CPNE3: variants seen among roughly 807,000 people sequenced by gnomAD.
The protein encoded by CPNE3 is copine-3.
In CPNE3, 68 loss-of-function variants were observed where a neutral mutation model predicts 63.9. That is an observed-to-expected ratio of 1.06 (90% CI 0.87 to 1.30). The LOEUF (loss-of-function observed/expected upper bound fraction) is 1.30. CPNE3 is among the 50% of genes most tolerant of loss of function. The pLI, the probability that CPNE3 is intolerant of heterozygous loss-of-function variation, is 0.00. For synonymous variants in CPNE3, 219 were observed against 197.5 expected (o/e 1.11, Z -0.91); for missense variants, 665 against 578.1 (o/e 1.15, Z -1.54).
intron 12 of CPNE3, 121 bp downstream of exon 12, chr8:86,548,555 TCC>T: frequency 8.2e-7 from 1 of 1,223,712 alleles, no homozygotes; most frequent in South Asian, 1.5e-5. Flanking sequence ...CTCCCTAAAA[TCC>T]CCCCGTCTTA....
chr8:86,526,062 G>A (rs1278640165), intron 2 of CPNE3, among the ~76,000 whole-genome samples: 3 of 152,146 alleles, frequency 2.0e-5, no homozygotes, highest in Non-Finnish European at 4.4e-5. Flanking sequence ...TGGTCACACA[G>A]CAAGTGCCAG....
At chr8:86,534,093 C>CT (rs879784916) in intron 6 of CPNE3, among the ~76,000 whole-genome samples, 121 of 145,214 alleles carry the variant, frequency 8.3e-4, no homozygotes, top group Admixed American at 1.4e-3. Context: ...AAGACTCCAT[C>CT]TTTTTTTTTT....
chr8:86,535,422 CCAGCACT>C (rs1238806151), intron 6 of CPNE3, among the ~76,000 whole-genome samples: 5 of 151,960 alleles, frequency 3.3e-5, no homozygotes, highest in Non-Finnish European at 7.4e-5. Flanking sequence ...GCCTGTAATC[CCAGCACT>C]CTGGGAGGTG....
intron 2 of CPNE3, among the ~76,000 whole-genome samples, chr8:86,525,203 T>C (rs1222093460): frequency 1.3e-5 from 2 of 152,040 alleles, no homozygotes; most frequent in African/African-American, 2.4e-5. Flanking sequence ...CTCAGGCTGG[T>C]CTTGAACTCC....
At chr8:86,557,527 T>G (rs1363644725) in intron 16 of CPNE3, among the ~76,000 whole-genome samples, 1 of 152,230 alleles carries the variant, frequency 6.6e-6, no homozygotes, top group African/African-American at 2.4e-5. Flanking sequence ...AGTTGCATGT[T>G]TAATTCTTAA....
chr8:86,525,490 A>G (rs1320937806), intron 2 of CPNE3, among the ~76,000 whole-genome samples: 1 of 152,222 alleles, frequency 6.6e-6, no homozygotes, highest in Non-Finnish European at 1.5e-5. Context: ...AGACCAGCAC[A>G]GAGTCATTTT....
At chr8:86,543,025 T>C (rs573717941) in intron 8 of CPNE3, among the ~76,000 whole-genome samples, 1 of 152,098 alleles carries the variant, frequency 6.6e-6, no homozygotes, top group Non-Finnish European at 1.5e-5. Flanking sequence ...AGTTCTGTTT[T>C]CCATAATTGA....
intron 6 of CPNE3, 92 bp downstream of exon 6, chr8:86,532,672 T>G: frequency 9.1e-7 from 1 of 1,098,282 alleles, no homozygotes; most frequent in Non-Finnish European, 1.4e-6. Context: ...AACTCCATCA[T>G]TGAGCATCAC....
At chr8:86,526,832 T>C (rs1820552011) in intron 2 of CPNE3, among the ~76,000 whole-genome samples, 3 of 152,176 alleles carry the variant, frequency 2.0e-5, no homozygotes, top group African/African-American at 7.2e-5. Context: ...TTAAACGGGT[T>C]TTCTAGCTAC....
chr8:86,554,416 G>A (rs997393670), intron 14 of CPNE3, among the ~76,000 whole-genome samples: 9 of 152,092 alleles, frequency 5.9e-5, no homozygotes, highest in South Asian at 2.1e-4. Flanking sequence ...TAGGTTTATC[G>A]CCATCTGGTA....
chr8:86,541,603 C>T (rs1820940447), intron 8 of CPNE3, among the ~76,000 whole-genome samples: 1 of 150,488 alleles, frequency 6.6e-6, no homozygotes, highest in African/African-American at 2.4e-5. Flanking sequence ...ACTTGGGAGG[C>T]TTAGGTGGGA....
intron 2 of CPNE3, among the ~76,000 whole-genome samples, chr8:86,518,719 T>G (rs1820368131): frequency 6.6e-6 from 1 of 152,194 alleles, no homozygotes; most frequent in Admixed American, 6.5e-5. Context: ...AATTTTATTT[T>G]TTCTGCTTAG....
At chr8:86,558,164 A>C in intron 16 of CPNE3, 124 bp from the exon 17 acceptor site, 1 of 671,362 alleles carries the variant, frequency 1.5e-6, no homozygotes, top group Admixed American at 2.3e-5. Flanking sequence ...TCCTAAGAAA[A>C]GGTACAGGCC....
At chr8:86,545,053 A>G (rs989529101) in intron 9 of CPNE3, 5 of 300,934 alleles carry the variant, frequency 1.7e-5, no homozygotes, top group Non-Finnish European at 3.0e-5. Context: ...CTAATGCCAG[A>G]TGAGGACTCC....
intron 2 of CPNE3, among the ~76,000 whole-genome samples, chr8:86,522,632 A>G (rs1193238652): frequency 7.3e-6 from 1 of 137,564 alleles, no homozygotes; most frequent in East Asian, 2.2e-4. Context: ...AACACTGCCT[A>G]GGGTGTGTTT....
intron 15 of CPNE3, 75 bp from the exon 16 acceptor site, chr8:86,556,027 G>A: frequency 2.5e-6 from 2 of 790,120 alleles, no homozygotes; most frequent in South Asian, 2.8e-5. Context: ...AGAAAGACTG[G>A]ATGACTCATC....
In CPNE3 at chr8:86,544,644, A is replaced by T. The variant is rs1003272993; in HGVS notation, c.634-96A>T. The T allele has an allele frequency of 1.0e-4, 50 of 483,024 alleles. No homozygotes were observed. The East Asian group carries it at 2.0e-3, about 20-fold the overall frequency. The allele number at this position is 483,024 out of a possible 1,614,324, so 29.9% of individuals were successfully genotyped here. On this transcript the variant is annotated intron_variant, in intron 8 of 16. Transcript: ENST00000517490. ...GTACACATTTTCATTTACTTTAATT[A>T]AAAGGGCACTTCATGATAGGTTATA...
In CPNE3 at chr8:86,554,966, G is replaced by A. The variant is rs2304788; in HGVS notation, c.1236G>A (p.Thr412=). 246 of 1,614,048 alleles carry A rather than the reference G, an allele frequency of 1.5e-4. 1 individual carries two copies. In the East Asian group the frequency reaches 5.0e-3, roughly 33 times the overall value. ...TGGCCAGGTTTGCTGCTGCAGCCAC[G>A]CAACAGCAGACAGCTTCTGTAAGTG... ...NHVARFAAAA[T]QQQTASQYFV... Residue 412 remains threonine, a synonymous_variant, in exon 15 of 17, where the codon ACG becomes ACA. Transcript: ENST00000517490.
rs1820726376 is a variant in CPNE3, at chr8:86,533,349, C to G, written c.459+769C>G. On this transcript the variant is annotated intron_variant, in intron 6 of 16. Transcript: ENST00000517490. ...CTTGAGCTCAGAAGTTTGAGACCAG[C>G]CTGGGCAACATGGCGAAACCCCATC... Among the ~76,000 whole-genome samples, 6 of 152,052 alleles carry G rather than the reference C, an allele frequency of 3.9e-5. No individual in the cohort carries two copies. The South Asian group carries it at 1.2e-3, about 32-fold the overall frequency.
Sources: allele counts gnomAD v4.1 joint callset (sites outside exome capture counted in the v4.1 genomes callset), GRCh38; gene constraint gnomAD v4.1.1; transcripts MANE v1.5; gene names NCBI Gene and HGNC (gene_info 2026-07-23, HGNC 2026-07-21).